Variants in OR5AS1 observed in about 807,000 individuals in gnomAD.
The protein encoded by OR5AS1 is olfactory receptor 5AS1.
For missense variants in OR5AS1, 492 were observed against 378.2 expected (o/e 1.30, Z -2.50); for synonymous variants, 196 against 141.7 (o/e 1.38, Z -2.72).
chr11:56,029,846 T>C (rs1853329570), intron 1 of OR5AS1, among the ~76,000 whole-genome samples: 1 of 151,988 alleles, frequency 6.6e-6, no homozygotes. Context: ...AAACAGTAAA[T>C]AGCAAAGCCA....
Position 56,030,883 on chromosome 11 carries a change from A to G in OR5AS1, c.465A>G (p.Thr155=). The change falls in exon 2 of 2, where the codon ACA becomes ACG. Residue 155 remains threonine, a synonymous_variant. Coordinates refer to ENST00000641320, the MANE Select transcript of OR5AS1 (RefSeq NM_001001921.2). Reference sequence around the variant, plus strand: ...TGGCATATTTCAGTGGAAGTACAACATCACTGGTCCATGTGTGCCTCACAT... The same window carrying G: ...TGGCATATTTCAGTGGAAGTACAACGTCACTGGTCCATGTGTGCCTCACAT... The part of the protein sequence containing the change: ...IVLAYFSGST[T]SLVHVCLTFR... The G allele has an allele frequency of 1.2e-6, 2 of 1,614,084 alleles. No individual in the cohort carries two copies. Among genetic ancestry groups the G allele is most frequent in the Middle Eastern group, 1.6e-4 (1 of 6,062 alleles).
rs534039442 is a variant in OR5AS1 at position 56,036,915 on chromosome 11, C to T, written c.*5522C>T. 3.5e-4 allele frequency: 53 copies of T among 152,166 alleles called. No homozygotes were observed. The highest frequency in any genetic ancestry group is 1.3e-3 in the African/African-American group (52 of 41,478). 9.4% of individuals were successfully genotyped at this position (152,166 alleles called of 1,614,324 possible). A position where few individuals can be genotyped will look rare whatever the true frequency, so the allele number is the denominator to read the frequency against. On this transcript the variant is annotated 3_prime_UTR_variant, in exon 2 of 2. Coordinates refer to ENST00000641320, the MANE Select transcript of OR5AS1 (RefSeq NM_001001921.2). ...TTCAGCGGCACATCAAAAAGCTTAT[C>T]CACCAATCAAATTGGCTTTATCCCT...
Position 56,036,659 on chromosome 11 carries a change from T to G in OR5AS1, c.*5266T>G, listed in dbSNP as rs1853408573. The G allele has an allele frequency of 6.6e-6, 1 of 150,902 alleles. No homozygotes were observed. The highest frequency in any genetic ancestry group is 1.5e-5 in the Non-Finnish European group (1 of 67,374). The allele number at this position is 150,902 out of a possible 1,614,324, so 9.3% of individuals were successfully genotyped here. A position where few individuals can be genotyped will look rare whatever the true frequency, so the allele number is the denominator to read the frequency against. On this transcript the variant is annotated 3_prime_UTR_variant, in exon 2 of 2. Coordinates refer to ENST00000641320, the MANE Select transcript of OR5AS1 (RefSeq NM_001001921.2). ...TAATTAATAGCCTACCAACAAAAAA[T>G]AGTCCAGGACCAGCCAAATTCTACC...
In OR5AS1 at chr11:56,032,753, A is replaced by C. The variant is rs1315428189; in HGVS notation, c.*1360A>C. On this transcript the variant is annotated 3_prime_UTR_variant, in exon 2 of 2. Coordinates refer to ENST00000641320, the MANE Select transcript of OR5AS1 (RefSeq NM_001001921.2). ...TGTGGGTTCTCTTCTAGATCACTAC[A>C]ATAAAGCAACTGACGCAGTAAAGTG... The C allele has an allele frequency of 6.6e-6, 1 of 152,174 alleles. No individual in the cohort carries two copies. The highest frequency in any genetic ancestry group is 1.5e-5 in the Non-Finnish European group (1 of 68,040). The allele number at this position is 152,174 out of a possible 1,614,324, so 9.4% of individuals were successfully genotyped here.
Position 56,030,491 on chromosome 11 carries a change from G to A in OR5AS1, c.73G>A (p.Val25Ile), listed in dbSNP as rs773462317. 2 of 1,524,890 alleles carry A rather than the reference G, an allele frequency of 1.3e-6. No homozygotes were observed. The highest frequency in any genetic ancestry group is 1.8e-6 in the Non-Finnish European group (2 of 1,133,942). The allele number at this position is 1,524,890 out of a possible 1,614,324, so 94.5% of individuals were successfully genotyped here. The change falls in exon 2 of 2, where the codon GTC (valine) becomes ATC (isoleucine). Residue 25 changes from valine to isoleucine, a missense_variant. Val to Ile is a conservative substitution (Grantham distance 29). Coordinates refer to ENST00000641320, the MANE Select transcript of OR5AS1 (RefSeq NM_001001921.2). Reference sequence around the variant, plus strand: ...ATTCACAGATTATCTACCTCTCAGAGTCACACTGTTCTTGGTATTCCTTCT... The same window carrying A: ...ATTCACAGATTATCTACCTCTCAGAATCACACTGTTCTTGGTATTCCTTCT... ...VGFTDYLPLR[V>I]TLFLVFLLVY...
rs919391458 is a variant in OR5AS1, at chr11:56,031,512, G to A, written c.*119G>A. 13 of 719,476 alleles carry A rather than the reference G, an allele frequency of 1.8e-5. No homozygotes were observed. The African/African-American group carries it at 1.9e-4, about 11-fold the overall frequency. 44.6% of individuals were successfully genotyped at this position (719,476 alleles called of 1,614,324 possible). A position where few individuals can be genotyped will look rare whatever the true frequency, so the allele number is the denominator to read the frequency against. The stretch of plus-strand genomic sequence containing the variant: ...CTTGTTATACTCAGTGCATTAAAAT[G>A]CTTCATCCTCTCTTCCAAAAATGTT... On this transcript the variant is annotated 3_prime_UTR_variant, in exon 2 of 2. Transcript: ENST00000641320.
chr11:56,031,424 A>G lies in OR5AS1; in HGVS notation c.*31A>G, dbSNP rs767348635. 3 of 1,411,654 alleles carry G rather than the reference A, an allele frequency of 2.1e-6. No homozygotes were observed. Among genetic ancestry groups the G allele is most frequent in the Non-Finnish European group, 2.8e-6 (3 of 1,052,670 alleles). 87.4% of individuals were successfully genotyped at this position (1,411,654 alleles called of 1,614,324 possible). A position where few individuals can be genotyped will look rare whatever the true frequency, so the allele number is the denominator to read the frequency against. Reference sequence around the variant, plus strand: ...CCTTCCAATCTCATAAACAGCAATTATGCCATGAACATCTTATGTGTTAAC... The same window carrying G: ...CCTTCCAATCTCATAAACAGCAATTGTGCCATGAACATCTTATGTGTTAAC... On this transcript the variant is annotated 3_prime_UTR_variant, in exon 2 of 2. Transcript: ENST00000641320.
chr11:56,028,129 G>T lies in OR5AS1; in HGVS notation c.-29+417G>T, dbSNP rs560827728. On this transcript the variant is annotated intron_variant, in intron 1 of 1. Coordinates refer to ENST00000641320, the MANE Select transcript of OR5AS1 (RefSeq NM_001001921.2). ...TTGTTCATATAAAAACAAACTAGGA[G>T]AATTTGTCATTTCAAAGTCAGATAT... is the stretch of plus-strand genomic sequence containing the variant. Among the ~76,000 whole-genome samples the T allele has an allele frequency of 3.9e-5, 6 of 152,016 alleles. No homozygotes were observed. The East Asian group carries it at 1.2e-3, about 29-fold the overall frequency.
chr11:56,031,225 C>T lies in OR5AS1; in HGVS notation c.807C>T (p.Asp269=). 1.2e-6 allele frequency: 2 copies of T among 1,613,610 alleles called. No homozygotes were observed. Among genetic ancestry groups the T allele is most frequent in the Non-Finnish European group, 1.7e-6 (2 of 1,179,588 alleles). Residue 269 remains aspartate, a synonymous_variant, in exon 2 of 2, where the codon GAC becomes GAT. Coordinates refer to ENST00000641320, the MANE Select transcript of OR5AS1 (RefSeq NM_001001921.2). ...AGCCCACCACTAGCTATTCCCTAGA[C>T]ACTGATAAGGTGGTGGCAGTGTTTT... ...YLQPTTSYSL[D]TDKVVAVFYT... is the part of the protein sequence containing the mutation.
At position 56,031,128 on chromosome 11, in the gene OR5AS1, C is replaced by T; in HGVS notation, c.710C>T (p.Thr237Ile). 1 of 1,614,076 alleles carries T rather than the reference C, an allele frequency of 6.2e-7. No homozygotes were observed. The highest frequency in any genetic ancestry group is 8.5e-7 in the Non-Finnish European group (1 of 1,180,008). The change falls in exon 2 of 2, where the codon ACA becomes ATA. Residue 237 changes from threonine to isoleucine, a missense_variant. Thr to Ile is a moderately conservative substitution (Grantham distance 89, BLOSUM62 -1). Coordinates refer to ENST00000641320, the MANE Select transcript of OR5AS1 (RefSeq NM_001001921.2). ...SIKSSGGRSK[T>I]FSTCASHLIA... ...AAGTCCTCAGGTGGCAGAAGCAAAA[C>T]ATTCTCCACTTGTGCTTCCCACCTC...
In OR5AS1 at chr11:56,037,930, C is replaced by A. The variant is rs974077651; in HGVS notation, c.*6537C>A. On this transcript the variant is annotated 3_prime_UTR_variant, in exon 2 of 2. Transcript: ENST00000641320. The stretch of plus-strand genomic sequence containing the variant: ...CTGGTACCAAAGCAGATATATAGAC[C>A]AATGGAACAGAATAGAGGCCTCACA... The A allele has an allele frequency of 1.3e-5, 2 of 151,990 alleles. No homozygotes were observed. The highest frequency in any genetic ancestry group is 4.8e-5 in the African/African-American group (2 of 41,330). 9.4% of individuals were successfully genotyped at this position (151,990 alleles called of 1,614,324 possible).
rs1031162446 is a variant in OR5AS1 at position 56,032,768 on chromosome 11, G to A, written c.*1375G>A. Reference sequence around the variant, plus strand: ...AGATCACTACAATAAAGCAACTGACGCAGTAAAGTGTCACACAAATTTTTA... The same window carrying A: ...AGATCACTACAATAAAGCAACTGACACAGTAAAGTGTCACACAAATTTTTA... On this transcript the variant is annotated 3_prime_UTR_variant, in exon 2 of 2. Transcript: ENST00000641320. 4 of 152,070 alleles carry A rather than the reference G, an allele frequency of 2.6e-5. No individual in the cohort carries two copies. Among genetic ancestry groups the A allele is most frequent in the African/African-American group, 4.8e-5 (2 of 41,364 alleles). 9.4% of individuals were successfully genotyped at this position (152,070 alleles called of 1,614,324 possible).
At chr11:56,029,654 AC>A (rs1401408132) in intron 1 of OR5AS1, among the ~76,000 whole-genome samples, 7 of 151,596 alleles carry the variant, frequency 4.6e-5, no homozygotes, top group African/African-American at 7.3e-5. Flanking sequence ...GACAAAAAAA[AC>A]CCCAAAACAA....
In OR5AS1 at chr11:56,031,583, T is replaced by A. The variant is rs562853276; in HGVS notation, c.*190T>A. 1 of 450,914 alleles carries A rather than the reference T, an allele frequency of 2.2e-6. No homozygotes were observed. Among genetic ancestry groups the A allele is most frequent in the Admixed American group, 3.9e-5 (1 of 25,824 alleles). 27.9% of individuals were successfully genotyped at this position (450,914 alleles called of 1,614,324 possible). A position where few individuals can be genotyped will look rare whatever the true frequency, so the allele number is the denominator to read the frequency against. On this transcript the variant is annotated 3_prime_UTR_variant, in exon 2 of 2. Transcript: ENST00000641320. ...TAAAACATTACCTAATTAAACATAG[T>A]CATTATTTATATCCAATTAGTGTTT...
At chr11:56,029,303 G>T (rs61889971) in intron 1 of OR5AS1, among the ~76,000 whole-genome samples, 9,161 of 151,926 alleles carry the variant, frequency 0.06, 379 homozygotes, top group Non-Finnish European at 0.084. Flanking sequence ...AGCTTTTCTT[G>T]TTCTTGATTA....
Position 56,032,782 on chromosome 11 carries a change from C to T in OR5AS1, c.*1389C>T, listed in dbSNP as rs1011158993. The T allele has an allele frequency of 2.6e-5, 4 of 152,130 alleles. No homozygotes were observed. Among genetic ancestry groups the T allele is most frequent in the African/African-American group, 7.2e-5 (3 of 41,388 alleles). The allele number at this position is 152,130 out of a possible 1,614,324, so 9.4% of individuals were successfully genotyped here. On this transcript the variant is annotated 3_prime_UTR_variant, in exon 2 of 2. Transcript: ENST00000641320. ...AAGCAACTGACGCAGTAAAGTGTCA[C>T]ACAAATTTTTAGATTTCTCAGTGCA...
In OR5AS1 at chr11:56,028,418, A is replaced by C. The variant is rs577866175; in HGVS notation, c.-29+706A>C. On this transcript the variant is annotated intron_variant, in intron 1 of 1. Coordinates refer to ENST00000641320, the MANE Select transcript of OR5AS1 (RefSeq NM_001001921.2). ...CTTCAAATCCTGTGTGCTTAAGCTC[A>C]GCACAATGCCATTTGTAAAGAAAAG... 3.5e-4 allele frequency among the ~76,000 whole-genome samples: 53 copies of C among 152,284 alleles called. 1 individual carries two copies. The South Asian group carries it at 0.011, about 30-fold the overall frequency.
In OR5AS1 at chr11:56,035,944, A is replaced by C. The variant is rs1376713047; in HGVS notation, c.*4551A>C. ...AAATCATAACAGTCTCTCAGACCAC[A>C]GTGCAATCAAATTAGAACTCAGGAT... On this transcript the variant is annotated 3_prime_UTR_variant, in exon 2 of 2. Coordinates refer to ENST00000641320, the MANE Select transcript of OR5AS1 (RefSeq NM_001001921.2). 1 of 152,182 alleles carries C rather than the reference A, an allele frequency of 6.6e-6. No individual in the cohort carries two copies. Among genetic ancestry groups the C allele is most frequent in the African/African-American group, 2.4e-5 (1 of 41,398 alleles). 9.4% of individuals were successfully genotyped at this position (152,182 alleles called of 1,614,324 possible).
At chr11:56,029,500 T>G (rs1321109448) in intron 1 of OR5AS1, among the ~76,000 whole-genome samples, 2 of 150,434 alleles carry the variant, frequency 1.3e-5, no homozygotes, top group Non-Finnish European at 3.0e-5. Context: ...AGTAAAAGAT[T>G]TAGTATGCCA....
Sources: gnomAD v4.1 joint callset for allele counts (sites outside exome capture counted in the v4.1 genomes callset) on GRCh38, gnomAD v4.1.1 for gene constraint, MANE v1.5 for transcripts, NCBI Gene and HGNC (gene_info 2026-07-23, HGNC 2026-07-21) for gene names.